The following DPYD variants were observed in gnomAD, a reference collection of about 807,000 sequenced individuals.
DPYD encodes the protein dihydropyrimidine dehydrogenase.
DPYD carries 109 observed loss-of-function variants against 116.2 expected under a neutral mutation model. That is an observed-to-expected ratio of 0.94 (90% CI 0.80 to 1.10). DPYD has a LOEUF of 1.10. Among genes scored for constraint, DPYD ranks in the 50% least tolerant of loss-of-function variants. The pLI is 0.00. For synonymous variants in DPYD, 440 were observed against 432.0 expected (o/e 1.02, Z -0.23); for missense variants, 1,302 against 1,254.5 (o/e 1.04, Z -0.57).
At chr1:97,587,354 T>C (rs1406681672) in intron 10 of DPYD, among the ~76,000 whole-genome samples, 1 of 152,162 alleles carries the variant, frequency 6.6e-6, no homozygotes, top group African/African-American at 2.4e-5. Context: ...TTACCTTCCA[T>C]GAAGAACACC....
chr1:97,278,615 A>G (rs1348653132), intron 18 of DPYD, among the ~76,000 whole-genome samples: 1 of 152,216 alleles, frequency 6.6e-6, no homozygotes, highest in Non-Finnish European at 1.5e-5. Flanking sequence ...GCTCCCCTCT[A>G]AAAGTTTCAA....
intron 5 of DPYD, among the ~76,000 whole-genome samples, chr1:97,718,574 A>G (rs1662746357): frequency 6.6e-6 from 1 of 151,976 alleles, no homozygotes; most frequent in South Asian, 2.1e-4. Flanking sequence ...GCTCTCATTC[A>G]TTTTGACACA....
intron 20 of DPYD, among the ~76,000 whole-genome samples, chr1:97,155,908 A>G (rs1021813095): frequency 3.9e-5 from 6 of 152,140 alleles, no homozygotes; most frequent in Non-Finnish European, 7.3e-5. Flanking sequence ...ACTTAAACCT[A>G]CATATCAATC....
intron 13 of DPYD, among the ~76,000 whole-genome samples, chr1:97,511,676 C>G (rs988990287): frequency 6.6e-6 from 1 of 151,912 alleles, no homozygotes; most frequent in African/African-American, 2.4e-5. Context: ...GATCTTTCTA[C>G]AGTCATACAG....
chr1:97,807,694 T>C (rs1557976820), intron 3 of DPYD, among the ~76,000 whole-genome samples: 1 of 152,170 alleles, frequency 6.6e-6, no homozygotes, highest in East Asian at 1.9e-4. Context: ...TTTGGATTTG[T>C]ATCTAAAATG....
chr1:97,769,654 A>T (rs1391203369), intron 3 of DPYD, among the ~76,000 whole-genome samples: 1 of 152,236 alleles, frequency 6.6e-6, no homozygotes, highest in Non-Finnish European at 1.5e-5. Flanking sequence ...TTAAAATATA[A>T]ATACATGTAC....
chr1:97,777,702 A>G (rs1258735601), intron 3 of DPYD, among the ~76,000 whole-genome samples: 2 of 152,190 alleles, frequency 1.3e-5, no homozygotes, highest in African/African-American at 4.8e-5. Context: ...TAGGAAATTT[A>G]AAAATGCTTT....
chr1:97,871,431 A>G (rs1346387705), intron 2 of DPYD, among the ~76,000 whole-genome samples: 1 of 151,792 alleles, frequency 6.6e-6, no homozygotes, highest in African/African-American at 2.4e-5. Context: ...GAGGGAACAC[A>G]TTTCAGGTTA....
chr1:97,196,133 T>C (rs768435343), intron 19 of DPYD, among the ~76,000 whole-genome samples: 6 of 152,106 alleles, frequency 3.9e-5, no homozygotes, highest in Non-Finnish European at 8.8e-5. Context: ...AGAGTCTTGC[T>C]CTGTCACCCA....
intron 19 of DPYD, among the ~76,000 whole-genome samples, chr1:97,232,478 T>G (rs967124607): frequency 1.3e-5 from 2 of 152,174 alleles, no homozygotes; most frequent in African/African-American, 2.4e-5. Context: ...CCATTATTTT[T>G]TTTCCATTCC....
chr1:97,237,241 CA>C (rs58926889), intron 18 of DPYD, among the ~76,000 whole-genome samples: 1,810 of 57,370 alleles, frequency 0.032, 6 homozygotes, highest in African/African-American at 0.064. Flanking sequence ...GATTCTGTCT[CA>C]AAAAAAAAAA....
At chr1:97,381,057 T>C (rs1463349683) in intron 15 of DPYD, among the ~76,000 whole-genome samples, 1 of 152,202 alleles carries the variant, frequency 6.6e-6, no homozygotes, top group East Asian at 1.9e-4. Context: ...CCTCTTGTTA[T>C]GTAGACTGCT....
chr1:97,484,337 C>T (rs1678496790), intron 13 of DPYD, among the ~76,000 whole-genome samples: 1 of 152,016 alleles, frequency 6.6e-6, no homozygotes, highest in Admixed American at 6.6e-5. Flanking sequence ...CAAAAAAATT[C>T]CCCTAGGTTT....
intron 13 of DPYD, among the ~76,000 whole-genome samples, chr1:97,501,963 AC>A (rs1679612499): frequency 6.6e-6 from 1 of 152,034 alleles, no homozygotes; most frequent in South Asian, 2.1e-4. Context: ...TATAATACCC[AC>A]TGCTCTTTGT....
At chr1:97,325,059 A>G (rs927963479) in intron 16 of DPYD, among the ~76,000 whole-genome samples, 2 of 150,830 alleles carry the variant, frequency 1.3e-5, no homozygotes, top group African/African-American at 5.0e-5. Flanking sequence ...TCATGGGGGA[A>G]AAAAATCTTT....
chr1:97,883,717 G>A (rs1447712965), intron 1 of DPYD: 1 of 359,024 alleles, frequency 2.8e-6, no homozygotes, highest in Non-Finnish European at 5.3e-6. Context: ...AAAGTGCTGG[G>A]GTTACAGGTG....
At chr1:97,672,791 G>C (rs937515624) in intron 8 of DPYD, among the ~76,000 whole-genome samples, 2 of 152,034 alleles carry the variant, frequency 1.3e-5, no homozygotes, top group Non-Finnish European at 2.9e-5. Context: ...AGGCATGAGA[G>C]ATTTAACTAA....
At chr1:97,526,883 T>C (rs1463480796) in intron 12 of DPYD, among the ~76,000 whole-genome samples, 1 of 152,198 alleles carries the variant, frequency 6.6e-6, no homozygotes, top group Non-Finnish European at 1.5e-5. Context: ...CATTTGCAAG[T>C]AATATTTATA....
chr1:97,670,445 T>A (rs749346004), intron 8 of DPYD, among the ~76,000 whole-genome samples: 1 of 152,132 alleles, frequency 6.6e-6, no homozygotes, highest in Non-Finnish European at 1.5e-5. Flanking sequence ...CAGAGGTCTT[T>A]CTCTTTCCAT....
Sources: gnomAD v4.1 joint callset for allele counts (sites outside exome capture counted in the v4.1 genomes callset) on GRCh38, gnomAD v4.1.1 for gene constraint, MANE v1.5 for transcripts, NCBI Gene and HGNC (gene_info 2026-07-23, HGNC 2026-07-21) for gene names.